The following GPHN variants were observed in gnomAD, a reference collection of about 807,000 sequenced individuals.
GPHN encodes gephyrin.
In GPHN, 17 loss-of-function variants were observed where a neutral mutation model predicts 95.5. The observed-to-expected ratio is 0.18, with a 90% CI of 0.12 to 0.27. The LOEUF is 0.27. Ranked by LOEUF, GPHN falls within the 10% of genes least tolerant of loss-of-function variation. The pLI, the probability that GPHN is intolerant of heterozygous loss-of-function variation, is 1.00. For synonymous variants in GPHN, 320 were observed against 322.5 expected, an observed-to-expected ratio of 0.99 and a Z score of 0.08; for missense variants, 660 against 978.1, an observed-to-expected ratio of 0.67 and a Z score of 4.34.
At chr14:67,551,050 C>T in the GPHN span, among the ~76,000 whole-genome samples, 1 of 152,210 alleles carries the variant, frequency 6.6e-6, no homozygotes. Context: ...CAGCCCTACA[C>T]AGACCAAGTG....
the GPHN span, chr14:67,312,637 A>C: frequency 6.2e-7 from 1 of 1,613,672 alleles, no homozygotes; most frequent in Non-Finnish European, 8.5e-7. Flanking sequence ...TGATCAGTCA[A>C]GAAGATCCAA....
chr14:67,119,112 C>T (rs2078865962), intron 16 of GPHN, among the ~76,000 whole-genome samples: 1 of 152,144 alleles, frequency 6.6e-6, no homozygotes, highest in African/African-American at 2.4e-5. Flanking sequence ...ATCTTCAGAG[C>T]ATATGAATCC....
intron 2 of GPHN, among the ~76,000 whole-genome samples, chr14:66,746,336 T>C (rs921557522): frequency 6.6e-6 from 1 of 152,220 alleles, no homozygotes; most frequent in Non-Finnish European, 1.5e-5. Flanking sequence ...CCTGTATTAC[T>C]TTATAAGACT....
the GPHN span, among the ~76,000 whole-genome samples, chr14:67,399,946 T>A: frequency 1.3e-5 from 2 of 152,288 alleles, no homozygotes; most frequent in South Asian, 2.1e-4. Flanking sequence ...TAGGGCTAGG[T>A]TCTAACCAAC....
At chr14:67,050,845 G>A (rs1189904092) in intron 10 of GPHN, among the ~76,000 whole-genome samples, 1 of 146,760 alleles carries the variant, frequency 6.8e-6, no homozygotes, top group Admixed American at 6.8e-5. Flanking sequence ...AAGCAGAGTG[G>A]AGTGACAGCC....
At chr14:67,363,183 A>G in the GPHN span, among the ~76,000 whole-genome samples, 3 of 151,838 alleles carry the variant, frequency 2.0e-5, no homozygotes, top group East Asian at 5.8e-4. Context: ...CTTTACATAC[A>G]CATATTCAAC....
chr14:67,031,240 G>A (rs542526318), intron 10 of GPHN, among the ~76,000 whole-genome samples: 8 of 152,170 alleles, frequency 5.3e-5, no homozygotes, highest in Non-Finnish European at 1.0e-4. Flanking sequence ...TTACTATTAA[G>A]AAACATGAAT....
chr14:67,360,225 A>G, the GPHN span: 5 of 400,540 alleles, frequency 1.2e-5, 1 homozygote, highest in African/African-American at 4.1e-5. Context: ...AGGTCCTTCC[A>G]TGATCTACAT....
chr14:67,360,015 G>A, the GPHN span: 1 of 527,462 alleles, frequency 1.9e-6, no homozygotes, highest in Non-Finnish European at 3.4e-6. Context: ...CGCGGCACGC[G>A]CCAGGCCAAA....
At chr14:67,443,165 G>C in the GPHN span, among the ~76,000 whole-genome samples, 1 of 152,060 alleles carries the variant, frequency 6.6e-6, no homozygotes, top group Non-Finnish European at 1.5e-5. Context: ...AGGATACACT[G>C]AGCTATGACT....
At chr14:66,783,498 G>C (rs1269931002) in intron 3 of GPHN, among the ~76,000 whole-genome samples, 1 of 152,190 alleles carries the variant, frequency 6.6e-6, no homozygotes, top group African/African-American at 2.4e-5. Flanking sequence ...GTATCAGTGA[G>C]ACTTAACAAG....
At chr14:66,549,223 T>A (rs887444016) in intron 1 of GPHN, among the ~76,000 whole-genome samples, 1 of 152,202 alleles carries the variant, frequency 6.6e-6, no homozygotes, top group African/African-American at 2.4e-5. Context: ...TGGTAAGTTG[T>A]GTGTCACAGG....
At chr14:66,861,743 ATCAATGGG>A (rs1170764597) in intron 4 of GPHN, among the ~76,000 whole-genome samples, 2 of 152,140 alleles carry the variant, frequency 1.3e-5, no homozygotes, top group Non-Finnish European at 2.9e-5. Flanking sequence ...CTCCTGAATG[ATCAATGGG>A]TCAATGAAGG....
chr14:67,296,889 A>G, the GPHN span, among the ~76,000 whole-genome samples: 2 of 152,110 alleles, frequency 1.3e-5, no homozygotes, highest in Non-Finnish European at 2.9e-5. Flanking sequence ...TCTTGGGCTC[A>G]AACAATCCTT....
At chr14:67,537,398 T>C in the GPHN span, among the ~76,000 whole-genome samples, 1 of 142,930 alleles carries the variant, frequency 7.0e-6, no homozygotes, top group African/African-American at 2.6e-5. Flanking sequence ...AATCTTAGGC[T>C]GGGCGCAGTG....
the GPHN span, among the ~76,000 whole-genome samples, chr14:67,713,570 T>C: frequency 1.5e-4 from 23 of 152,182 alleles, no homozygotes. Flanking sequence ...CAGGCACTGA[T>C]AGGAGATTTG....
the GPHN span, among the ~76,000 whole-genome samples, chr14:67,368,246 G>C: frequency 6.6e-6 from 1 of 152,168 alleles, no homozygotes. Flanking sequence ...TGCTTTTGGC[G>C]GGCCTTGGGG....
chr14:67,095,135 A>G (rs529920375), intron 12 of GPHN, among the ~76,000 whole-genome samples: 46 of 152,340 alleles, frequency 3.0e-4, no homozygotes, highest in African/African-American at 9.6e-4. Flanking sequence ...TTCTGTCTTC[A>G]TAAGACAAAC....
At chr14:66,775,318 G>A (rs2059341998) in intron 2 of GPHN, among the ~76,000 whole-genome samples, 1 of 152,052 alleles carries the variant, frequency 6.6e-6, no homozygotes, top group Non-Finnish European at 1.5e-5. Context: ...TAATCAGAAG[G>A]TTCCTTGGTA....
Sources: allele counts gnomAD v4.1 joint callset (sites outside exome capture counted in the v4.1 genomes callset), GRCh38; gene constraint gnomAD v4.1.1; transcripts MANE v1.5; gene names NCBI Gene and HGNC (gene_info 2026-07-23, HGNC 2026-07-21).